The following COBL variants were observed in gnomAD, a reference collection of about 807,000 sequenced individuals.
COBL encodes cordon-bleu WH2 repeat protein.
In COBL, 51 loss-of-function variants were observed where a neutral mutation model predicts 98.8. The observed-to-expected ratio is 0.52, with a 90% CI of 0.41 to 0.65. COBL has a LOEUF of 0.65. Among genes scored for constraint, COBL ranks in the 30% least tolerant of loss-of-function variants. The pLI is 0.00. For missense variants in COBL, 1,617 were observed against 1,617.5 expected (o/e 1.00, Z 0.01); for synonymous variants, 634 against 651.7 (o/e 0.97, Z 0.41).
In COBL at chr7:51,051,150, C is replaced by T. The variant is rs1790195146; in HGVS notation, c.1097-7458G>A. On this transcript the variant is annotated intron_variant, in intron 7 of 12. Transcript: ENST00000265136. Reference sequence around the variant, plus strand: ...CCTTGACTACCAGTATATGGCTAAACCAAAGGAAGATTCAGATGAAAATCC... The same window carrying T: ...CCTTGACTACCAGTATATGGCTAAATCAAAGGAAGATTCAGATGAAAATCC... 3.3e-5 allele frequency among the ~76,000 whole-genome samples: 5 copies of T among 152,160 alleles called. No individual in the cohort carries two copies. In the South Asian group the frequency reaches 1.0e-3, roughly 32 times the overall value.
In COBL at chr7:51,043,506, T is replaced by C; in HGVS notation, c.1283A>G (p.Tyr428Cys). 1 of 1,614,228 alleles carries C rather than the reference T, an allele frequency of 6.2e-7. No homozygotes were observed. Reference sequence around the variant, plus strand: ...CTGGTCTGTGGCCCACTTGTCTTTGTATTTCATGCTGTCCTGCTGCGAGTC... The same window carrying C: ...CTGGTCTGTGGCCCACTTGTCTTTGCATTTCATGCTGTCCTGCTGCGAGTC... Reference protein sequence around the residue: ...SLDSQQDSMKYKDKWATDQED... With the variant: ...SLDSQQDSMKCKDKWATDQED... The change falls in exon 8 of 13, where the codon TAC becomes TGC. Residue 428 changes from tyrosine (Y) to cysteine (C), a missense_variant. Transcript: ENST00000265136.
In COBL at chr7:51,016,278, G is replaced by T. The variant is rs578103340; in HGVS notation, c.*1273C>A. The T allele has an allele frequency of 6.6e-6, 1 of 152,306 alleles. No homozygotes were observed. The highest frequency in any genetic ancestry group is 2.1e-4 in the South Asian group (1 of 4,814). The allele number at this position is 152,306 out of a possible 1,614,324, so 9.4% of individuals were successfully genotyped here. ...TAGCTGTGATGAAGAGCAATTGGCT[G>T]GTAGCTCGTGCCTCACCAAGAGTTT... On this transcript the variant is annotated 3_prime_UTR_variant, in exon 13 of 13. Coordinates refer to ENST00000265136, the MANE Select transcript of COBL (RefSeq NM_015198.5).
chr7:51,039,401 C>T (rs1161099543), intron 8 of COBL, among the ~76,000 whole-genome samples: 1 of 152,208 alleles, frequency 6.6e-6, no homozygotes, highest in Non-Finnish European at 1.5e-5. Context: ...CTGTAGGGAT[C>T]GTGACCACCT....
intron 1 of COBL, among the ~76,000 whole-genome samples, chr7:51,266,384 T>C (rs376122239): frequency 6.6e-6 from 1 of 152,192 alleles, no homozygotes; most frequent in African/African-American, 2.4e-5. Context: ...TTTGAGACCA[T>C]CCTGACCAAC....
intron 7 of COBL, among the ~76,000 whole-genome samples, chr7:51,075,827 C>G (rs562451366): frequency 2.0e-5 from 3 of 152,324 alleles, no homozygotes; most frequent in East Asian, 1.9e-4. Flanking sequence ...CACTTCTAAG[C>G]TACATCCAAT....
intron 8 of COBL, chr7:51,035,969 C>T (rs62448279): frequency 0.3 from 45,563 of 152,086 alleles, 7,454 homozygotes; most frequent in East Asian, 0.46. Context: ...AATCCTCTCT[C>T]TGTATCTGAG....
chr7:51,027,123 C>T (rs1274718794), intron 10 of COBL, among the ~76,000 whole-genome samples: 2 of 152,230 alleles, frequency 1.3e-5, no homozygotes, highest in African/African-American at 2.4e-5. Context: ...TAACTAGTGC[C>T]TGACCTTGGA....
intron 12 of COBL, among the ~76,000 whole-genome samples, chr7:51,021,621 C>A (rs1786945574): frequency 6.6e-6 from 1 of 152,180 alleles, no homozygotes; most frequent in Admixed American, 6.5e-5. Flanking sequence ...AGCCACTATG[C>A]CCAGCCAGCA....
At chr7:51,116,577 G>C (rs1487250242) in intron 6 of COBL, among the ~76,000 whole-genome samples, 2 of 152,002 alleles carry the variant, frequency 1.3e-5, no homozygotes, top group Non-Finnish European at 2.9e-5. Context: ...ATTTTGGAAA[G>C]AAATATATCA....
intron 1 of COBL, among the ~76,000 whole-genome samples, chr7:51,232,961 C>T (rs1038857695): frequency 6.6e-6 from 1 of 152,142 alleles, no homozygotes; most frequent in African/African-American, 2.4e-5. Flanking sequence ...ATGATTAAGG[C>T]ATTAAATCGT....
chr7:51,139,023 C>T (rs1280280111), intron 5 of COBL, among the ~76,000 whole-genome samples: 1 of 152,158 alleles, frequency 6.6e-6, no homozygotes, highest in Non-Finnish European at 1.5e-5. Flanking sequence ...CAGAATACTC[C>T]CTTAAAAGAA....
intron 1 of COBL, among the ~76,000 whole-genome samples, chr7:51,253,085 A>G (rs1361533426): frequency 6.6e-6 from 1 of 152,044 alleles, no homozygotes; most frequent in African/African-American, 2.4e-5. Context: ...TTACCCAGTC[A>G]TGGTGGCGGG....
chr7:51,027,481 A>T (rs1787688009), intron 10 of COBL, among the ~76,000 whole-genome samples: 2 of 152,244 alleles, frequency 1.3e-5, no homozygotes, highest in South Asian at 4.1e-4. Flanking sequence ...CAGGGGCCTG[A>T]AGTCAGTGTG....
At chr7:51,018,902 AAAAAT>A (rs1278658759) in intron 12 of COBL, among the ~76,000 whole-genome samples, 1 of 52,628 alleles carries the variant, frequency 1.9e-5, no homozygotes. Context: ...AAAAAAAAAA[AAAAAT>A]ATATATATAT....
intron 1 of COBL, among the ~76,000 whole-genome samples, chr7:51,225,401 G>A (rs909118706): frequency 1.8e-4 from 27 of 152,158 alleles, no homozygotes; most frequent in African/African-American, 4.3e-4. Context: ...GACCTTGCCC[G>A]GCTCCTGCTG....
At chr7:51,045,115 C>T (rs763662515) in intron 7 of COBL, among the ~76,000 whole-genome samples, 2 of 152,182 alleles carry the variant, frequency 1.3e-5, no homozygotes, top group African/African-American at 4.8e-5. Context: ...GAAGAAACGT[C>T]GCTGTAGCTC....
At chr7:51,086,358 GAA>G (rs57609497) in intron 6 of COBL, among the ~76,000 whole-genome samples, 5,158 of 74,570 alleles carry the variant, frequency 0.069, 62 homozygotes, top group Non-Finnish European at 0.095. Flanking sequence ...CTGTGTCTCA[GAA>G]AAAAAAAAAA....
intron 7 of COBL, among the ~76,000 whole-genome samples, chr7:51,069,031 C>A (rs1205844341): frequency 6.6e-6 from 1 of 152,164 alleles, no homozygotes; most frequent in African/African-American, 2.4e-5. Context: ...CGCACCCAAT[C>A]CTCACTAATA....
chr7:51,049,380 G>A (rs1292819555), intron 7 of COBL, among the ~76,000 whole-genome samples: 1 of 152,162 alleles, frequency 6.6e-6, no homozygotes. Flanking sequence ...TGGCATTGGG[G>A]AAAAAGACTT....
Sources: gnomAD v4.1 joint callset for allele counts (sites outside exome capture counted in the v4.1 genomes callset) on GRCh38, gnomAD v4.1.1 for gene constraint, MANE v1.5 for transcripts, NCBI Gene and HGNC (gene_info 2026-07-23, HGNC 2026-07-21) for gene names.